The following ZNF395 variants were observed in gnomAD, a reference collection of about 807,000 sequenced individuals.
ZNF395 encodes HD gene regulatory region-binding protein 2.
In ZNF395, 20 loss-of-function variants were observed where a neutral mutation model predicts 57.7. That is an observed-to-expected ratio of 0.35 (90% CI 0.24 to 0.50). The LOEUF (loss-of-function observed/expected upper bound fraction) is 0.50, where lower values mean the gene tolerates loss of function less well. Ranked by LOEUF, ZNF395 falls within the 20% of genes least tolerant of loss-of-function variation. The pLI is 0.97. For synonymous variants in ZNF395, 295 were observed against 275.9 expected, an observed-to-expected ratio of 1.07 and a Z score of -0.69; for missense variants, 606 against 671.2, an observed-to-expected ratio of 0.90 and a Z score of 1.07.
intron 1 of ZNF395, among the ~76,000 whole-genome samples, chr8:28,367,241 TAATTGTCCA>T (rs1439398053): frequency 2.0e-5 from 3 of 152,180 alleles, no homozygotes; most frequent in Admixed American, 2.0e-4. Flanking sequence ...GGGACCAGAA[TAATTGTCCA>T]ACTCCCATTC....
Position 28,351,537 on chromosome 8 carries a change from A to G in ZNF395, c.1191T>C (p.Ala397=), listed in dbSNP as rs766197261. 1.9e-6 allele frequency: 3 copies of G among 1,612,798 alleles called. No homozygotes were observed. Among genetic ancestry groups the G allele is most frequent in the Non-Finnish European group, 2.5e-6 (3 of 1,179,234 alleles). Residue 397 remains alanine (A), a synonymous_variant, in exon 7 of 10, where the codon GCT becomes GCC. Transcript: ENST00000344423. ...CCTGAATGTGCCAGAAGGACCCAGG[A>G]GCTGACTTGCTGAGAGCCCCTGAGG... ...SLPSGALSKS[A]PGSFWHIQAD...
At chr8:28,383,782 A>C (rs771667134) in intron 1 of ZNF395, among the ~76,000 whole-genome samples, 1 of 151,750 alleles carries the variant, frequency 6.6e-6, no homozygotes, top group Non-Finnish European at 1.5e-5. Flanking sequence ...CCTCTGCAAC[A>C]CTGTCCCCCC....
chr8:28,369,213 T>C (rs2129976108), intron 1 of ZNF395, among the ~76,000 whole-genome samples: 1 of 151,504 alleles, frequency 6.6e-6, no homozygotes, highest in East Asian at 1.9e-4. Context: ...TTTGAATGGA[T>C]CATCACATTC....
chr8:28,350,128 G>C lies in ZNF395; in HGVS notation c.1262C>G (p.Ser421Ter), dbSNP rs1801662736. Residue 421 changes from serine to a stop codon, truncating the protein, a stop_gained, in exon 8 of 10, where the codon TCA becomes TGA. Coordinates refer to ENST00000344423, the MANE Select transcript of ZNF395 (RefSeq NM_018660.3). LOFTEE classifies it high-confidence loss of function. The part of the protein sequence containing the change: ...QALPSFQIPV[S>*]PHIYTSVSWA... ...GCTGACACTGGTGTAGATGTGTGGT[G>C]AGACTGGGATCTGGAAGGATGGCAG... 6.2e-7 allele frequency: 1 copy of C among 1,608,844 alleles called. No homozygotes were observed. Among genetic ancestry groups the C allele is most frequent in the Non-Finnish European group, 8.5e-7 (1 of 1,178,748 alleles).
intron 1 of ZNF395, among the ~76,000 whole-genome samples, chr8:28,380,581 T>C (rs1412473632): frequency 6.6e-6 from 1 of 152,218 alleles, no homozygotes; most frequent in Admixed American, 6.5e-5. Flanking sequence ...CACATAGGAT[T>C]GTTAAATTAA....
Position 28,372,042 on chromosome 8 carries a change from CA to C in ZNF395, c.-58-10861del, listed in dbSNP as rs570237046. Among the ~76,000 whole-genome samples the C allele has an allele frequency of 4.5e-3, 653 of 145,564 alleles. 2 individuals are homozygous for C. The highest frequency in any genetic ancestry group is 7.7e-3 in the Non-Finnish European group (509 of 65,906). ...TGGGTGACAGAGTGAGACCCTATCT[CA>C]AAAAAAAAAATAGTTTTAAAAAAAA... On this transcript the variant is annotated intron_variant, in intron 1 of 9. Transcript: ENST00000344423.
chr8:28,361,316 T>A, intron 1 of ZNF395, 134 bp from the exon 2 acceptor site: 1 of 760,308 alleles, frequency 1.3e-6, no homozygotes, highest in Non-Finnish European at 2.1e-6. Flanking sequence ...CCATTCCTAG[T>A]AGGACAATCG....
chr8:28,351,524 A>G lies in ZNF395; in HGVS notation c.1204T>C (p.Trp402Arg). Residue 402 changes from tryptophan to arginine, a missense_variant, in exon 7 of 10, where the codon TGG (tryptophan) becomes CGG (arginine). Around this residue, in one of 3 missense-constraint regions of ZNF395, gnomAD observed 261 missense variants for 240.3 expected, o/e 1.09. Coordinates refer to ENST00000344423, the MANE Select transcript of ZNF395 (RefSeq NM_018660.3). The part of the protein sequence containing the change: ...ALSKSAPGSF[W>R]HIQADHAYQA... The stretch of plus-strand genomic sequence containing the variant: ...TATGCATGATCTGCCTGAATGTGCC[A>G]GAAGGACCCAGGAGCTGACTTGCTG... 1 of 1,611,406 alleles carries G rather than the reference A, an allele frequency of 6.2e-7. No individual in the cohort carries two copies. The highest frequency in any genetic ancestry group is 1.1e-5 in the South Asian group (1 of 91,036).
chr8:28,380,633 A>G (rs2129997034), intron 1 of ZNF395, among the ~76,000 whole-genome samples: 1 of 152,352 alleles, frequency 6.6e-6, no homozygotes, highest in African/African-American at 2.4e-5. Flanking sequence ...TGATTTAATA[A>G]GGACCATCAT....
In ZNF395 at chr8:28,360,967, G is replaced by T; in HGVS notation, c.158C>A (p.Pro53His). Reference sequence around the variant, plus strand: ...GACTTCCTTGGGCTGCTCCTGGCAGGGGGTGTCATCAGAGGTGGTGAAAGG... The same window carrying T: ...GACTTCCTTGGGCTGCTCCTGGCAGTGGGTGTCATCAGAGGTGGTGAAAGG... ...PQPFTTSDDT[P>H]CQEQPKEVLK... Residue 53 changes from proline to histidine, a missense_variant, in exon 2 of 10, where the codon CCC becomes CAC. This residue lies in a region of ZNF395 where 309 missense variants were observed against 374.7 expected (regional missense o/e 0.82). Coordinates refer to ENST00000344423, the MANE Select transcript of ZNF395 (RefSeq NM_018660.3). 2 of 1,613,606 alleles carry T rather than the reference G, an allele frequency of 1.2e-6. No homozygotes were observed. The highest frequency in any genetic ancestry group is 2.2e-5 in the East Asian group (1 of 44,882).
intron 1 of ZNF395, among the ~76,000 whole-genome samples, chr8:28,381,130 C>T (rs1185177641): frequency 2.6e-5 from 4 of 152,136 alleles, no homozygotes; most frequent in African/African-American, 9.7e-5. Flanking sequence ...CAAGCTCTGC[C>T]TCCGGGGTTC....
At position 28,352,537 on chromosome 8, in the gene ZNF395, G is replaced by A. The variant is rs767918564; in HGVS notation, c.920+36C>T. ...CGGCAGGGTGGAGGGACACCCACAC[G>A]CGACCCTAGGCTAGAGGCCCTGGGC... On this transcript the variant is annotated intron_variant, in intron 6 of 9. Coordinates refer to ENST00000344423, the MANE Select transcript of ZNF395 (RefSeq NM_018660.3). The surrounding 1 kb of genome is among the most constrained non-coding windows in gnomAD (Gnocchi z 4.0). 1.5e-5 allele frequency: 24 copies of A among 1,591,808 alleles called. No homozygotes were observed. The highest frequency in any genetic ancestry group is 5.5e-5 in the South Asian group (5 of 90,558).
At chr8:28,372,773 G>A (rs1801992946) in intron 1 of ZNF395, among the ~76,000 whole-genome samples, 1 of 152,202 alleles carries the variant, frequency 6.6e-6, no homozygotes, top group Admixed American at 6.5e-5. Flanking sequence ...ACAACAGAGT[G>A]AGACCCTGTC....
At position 28,346,480 on chromosome 8, in the gene ZNF395, C is replaced by G. The variant is rs1455562896; in HGVS notation, c.*2239G>C. On this transcript the variant is annotated 3_prime_UTR_variant, in exon 10 of 10. Transcript: ENST00000344423. The stretch of plus-strand genomic sequence containing the variant: ...GGAGGAGAGGGGGCACAAGCGCAGG[C>G]AGGGAAGGTGGCACCAAAACCTAGT... 1 of 152,598 alleles carries G rather than the reference C, an allele frequency of 6.6e-6. No homozygotes were observed. The highest frequency in any genetic ancestry group is 2.4e-5 in the African/African-American group (1 of 41,470). The allele number at this position is 152,598 out of a possible 1,614,324, so 9.5% of individuals were successfully genotyped here.
chr8:28,352,499 G>A lies in ZNF395; in HGVS notation c.920+74C>T. 7.4e-7 allele frequency: 1 copy of A among 1,352,360 alleles called. No homozygotes were observed. The highest frequency in any genetic ancestry group is 1.7e-5 in the Admixed American group (1 of 57,846). The allele number at this position is 1,352,360 out of a possible 1,614,324, so 83.8% of individuals were successfully genotyped here. On this transcript the variant is annotated intron_variant, in intron 6 of 9. Transcript: ENST00000344423. The surrounding 1 kb of genome is among the most constrained non-coding windows in gnomAD (Gnocchi z 4.0). ...GTTCCTGAAAGCACTGTGGGCTGTG[G>A]GTCACAGGGACTCGGCAGGGTGGAG...
At chr8:28,358,950 T>C (rs1037862203) in intron 3 of ZNF395, among the ~76,000 whole-genome samples, 3 of 152,194 alleles carry the variant, frequency 2.0e-5, no homozygotes, top group Non-Finnish European at 4.4e-5. Context: ...CTTTGGCCCA[T>C]TCAAAACAAG....
At position 28,346,556 on chromosome 8, in the gene ZNF395, CCT is replaced by C. The variant is rs1801603219; in HGVS notation, c.*2161_*2162del. 1 of 152,312 alleles carries C rather than the reference CCT, an allele frequency of 6.6e-6. No individual in the cohort carries two copies. Among genetic ancestry groups the C allele is most frequent in the African/African-American group, 2.4e-5 (1 of 41,446 alleles). 9.4% of individuals were successfully genotyped at this position (152,312 alleles called of 1,614,324 possible). A position where few individuals can be genotyped will look rare whatever the true frequency, so the allele number is the denominator to read the frequency against. ...TTCCACACTGCTCTCTCCCTTTATT[CCT>C]CTCTTTCCTGCCCTGTATACCAACG... On this transcript the variant is annotated 3_prime_UTR_variant, in exon 10 of 10. Transcript: ENST00000344423.
Position 28,359,588 on chromosome 8 carries a change from A to G in ZNF395, c.473+4T>C, listed in dbSNP as rs1801823077. On this transcript the variant is annotated splice_donor_region_variant and intron_variant, in intron 3 of 9. Transcript: ENST00000344423. This position sits in a 1 kb window ranked among gnomAD's most constrained non-coding sequence, Gnocchi z 4.7. ...TAAAACCCAGTTTCTTCTCCCACACAAACCTCTTTGGGACATCGATGTTCC... is the reference window on the plus strand; with the variant it reads ...TAAAACCCAGTTTCTTCTCCCACACGAACCTCTTTGGGACATCGATGTTCC... The G allele has an allele frequency of 1.3e-6, 2 of 1,584,420 alleles. No homozygotes were observed. Among genetic ancestry groups the G allele is most frequent in the Non-Finnish European group, 1.7e-6 (2 of 1,162,074 alleles).
intron 1 of ZNF395, among the ~76,000 whole-genome samples, chr8:28,380,990 A>C (rs1802101440): frequency 6.7e-6 from 1 of 150,100 alleles, no homozygotes; most frequent in Non-Finnish European, 1.5e-5. Context: ...CTGGGAGTAC[A>C]GGCATGCACC....
Sources: allele counts gnomAD v4.1 joint callset (sites outside exome capture counted in the v4.1 genomes callset), GRCh38; gene constraint gnomAD v4.1.1; regional missense constraint gnomAD v4.1.1; non-coding constraint Gnocchi (gnomAD v3.1); transcripts MANE v1.5; gene names NCBI Gene and HGNC (gene_info 2026-07-23, HGNC 2026-07-21).